Variants in CHODL observed in about 807,000 individuals in gnomAD.
CHODL encodes chondrolectin.
A neutral mutation model predicts 34.5 loss-of-function variants in CHODL; 29 were observed. That is an observed-to-expected ratio of 0.84 (90% CI 0.63 to 1.15). The LOEUF (loss-of-function observed/expected upper bound fraction) is 1.15. Among genes scored for constraint, CHODL ranks in the 50% most tolerant of loss-of-function variants. The pLI is 0.00. For synonymous variants in CHODL, 125 were observed against 116.1 expected (o/e 1.08, Z -0.49); for missense variants, 332 against 332.5 (o/e 1.00, Z 0.01).
intron 2 of CHODL, among the ~76,000 whole-genome samples, chr21:18,083,114 C>T (rs1442523809): frequency 6.6e-6 from 1 of 152,162 alleles, no homozygotes; most frequent in Non-Finnish European, 1.5e-5. Context: ...ATGGGCTGGG[C>T]CCAGGGCCTT....
chr21:18,261,364 A>C (rs865970081), intron 4 of CHODL, among the ~76,000 whole-genome samples: 17 of 151,960 alleles, frequency 1.1e-4, no homozygotes, highest in Middle Eastern at 6.8e-3. Context: ...GTATGATAAA[A>C]AAAAAAAAAA....
chr21:18,213,541 G>A (rs115010535), intron 2 of CHODL, among the ~76,000 whole-genome samples: 2,329 of 152,144 alleles, frequency 0.015, 61 homozygotes, highest in African/African-American at 0.053. Flanking sequence ...TGAAATTGGG[G>A]TGGATGAAAT....
intron 2 of CHODL, among the ~76,000 whole-genome samples, chr21:18,158,853 AAAG>A (rs1428399956): frequency 6.6e-6 from 1 of 151,414 alleles, no homozygotes; most frequent in Admixed American, 6.6e-5. Flanking sequence ...AAAAAAAAAA[AAAG>A]AAGAAGAAAA....
At chr21:18,127,701 T>TTTTTA (rs2072592150) in intron 2 of CHODL, among the ~76,000 whole-genome samples, 3 of 128,180 alleles carry the variant, frequency 2.3e-5, no homozygotes, top group Non-Finnish European at 4.9e-5. Flanking sequence ...TTTTTTTTTT[T>TTTTTA]AGCTTAAAAC....
chr21:18,242,015 C>A (rs1405871316), upstream of CHODL, among the ~76,000 whole-genome samples: 2 of 150,590 alleles, frequency 1.3e-5, no homozygotes, highest in South Asian at 2.1e-4. Context: ...TTTTAATGGA[C>A]AAAGACCCTT....
intron 1 of CHODL, among the ~76,000 whole-genome samples, chr21:17,974,946 T>G (rs2063649103): frequency 6.7e-6 from 1 of 148,240 alleles, no homozygotes; most frequent in Non-Finnish European, 1.5e-5. Context: ...ATATATAAAT[T>G]TAAAATAATA....
intron 2 of CHODL, among the ~76,000 whole-genome samples, chr21:18,220,818 G>C (rs2207381): frequency 4.6e-5 from 7 of 151,668 alleles, no homozygotes; most frequent in African/African-American, 1.5e-4. Context: ...GCTGTTTTTA[G>C]AATTATCTTT....
At chr21:18,142,874 G>T (rs1013301562) in intron 2 of CHODL, among the ~76,000 whole-genome samples, 1 of 152,168 alleles carries the variant, frequency 6.6e-6, no homozygotes, top group Non-Finnish European at 1.5e-5. Flanking sequence ...CTTTGCATTT[G>T]ATGGTTGCAG....
At chr21:18,249,261 C>T (rs936154462) in intron 1 of CHODL, among the ~76,000 whole-genome samples, 7 of 149,794 alleles carry the variant, frequency 4.7e-5, no homozygotes, top group African/African-American at 1.7e-4. Flanking sequence ...GTGTGCGACT[C>T]TAGGATGAGA....
chr21:18,166,089 G>A (rs2073149483), intron 2 of CHODL, among the ~76,000 whole-genome samples: 1 of 152,126 alleles, frequency 6.6e-6, no homozygotes, highest in Admixed American at 6.5e-5. Context: ...ACCCTTTCTG[G>A]AGATAGGAGT....
intron 2 of CHODL, among the ~76,000 whole-genome samples, chr21:18,045,237 G>A (rs2064427420): frequency 6.6e-6 from 1 of 151,952 alleles, no homozygotes; most frequent in Admixed American, 6.6e-5. Flanking sequence ...CCCTGAGTGT[G>A]GTGAGTTGAA....
At chr21:17,988,439 G>T (rs2063771547) in intron 1 of CHODL, among the ~76,000 whole-genome samples, 1 of 132,320 alleles carries the variant, frequency 7.6e-6, no homozygotes, top group Admixed American at 8.0e-5. Flanking sequence ...GGGTACATGT[G>T]CACAATGTGC....
chr21:18,040,415 A>G lies in CHODL; in HGVS notation c.-45+12444A>G, dbSNP rs76500042. Among the ~76,000 whole-genome samples, 1,317 of 151,988 alleles carry G rather than the reference A, an allele frequency of 8.7e-3. 26 individuals carry two copies. Among genetic ancestry groups the G allele is most frequent in the African/African-American group, 0.03 (1,266 of 41,542 alleles). ...CTCACCAAAGTACAGGCAAAAATCAATTTTAATTAGTATTTTTGGCTTTAA... is the reference window on the plus strand; with the variant it reads ...CTCACCAAAGTACAGGCAAAAATCAGTTTTAATTAGTATTTTTGGCTTTAA... On this transcript the variant is annotated intron_variant, in intron 2 of 6. Coordinates refer to the CHODL transcript ENST00000400127.
chr21:18,093,673 A>C (rs1028563366), intron 2 of CHODL, among the ~76,000 whole-genome samples: 6 of 152,168 alleles, frequency 3.9e-5, no homozygotes, highest in African/African-American at 1.4e-4. Flanking sequence ...GTTTAAAATA[A>C]TAGATTATAT....
At chr21:18,025,399 A>G (rs1369709038) in intron 1 of CHODL, among the ~76,000 whole-genome samples, 2 of 152,168 alleles carry the variant, frequency 1.3e-5, no homozygotes, top group African/African-American at 4.8e-5. Context: ...GATGTGGTAG[A>G]GTCTTTATGA....
At chr21:17,979,903 A>G (rs935473965) in intron 1 of CHODL, among the ~76,000 whole-genome samples, 1 of 152,172 alleles carries the variant, frequency 6.6e-6, no homozygotes, top group African/African-American at 2.4e-5. Flanking sequence ...CAAGTAGTTC[A>G]AGGTTAAACA....
intron 2 of CHODL, among the ~76,000 whole-genome samples, chr21:18,147,452 G>A (rs2072907113): frequency 1.3e-5 from 2 of 152,090 alleles, no homozygotes; most frequent in South Asian, 2.1e-4. Context: ...CCTAAAATGT[G>A]GCTAAATCTG....
chr21:18,265,891 C>G, intron 5 of CHODL, 63 bp from the exon 6 acceptor site: 1 of 1,313,432 alleles, frequency 7.6e-7, no homozygotes, highest in Non-Finnish European at 1.1e-6. Flanking sequence ...TCCCTTTGGA[C>G]GTAGACATGC....
At chr21:18,158,382 A>G (rs539886509) in intron 2 of CHODL, among the ~76,000 whole-genome samples, 2 of 152,314 alleles carry the variant, frequency 1.3e-5, no homozygotes, top group East Asian at 3.9e-4. Context: ...GTCATTATTG[A>G]TGTTGCTTTG....
Sources: gnomAD v4.1 joint callset for allele counts (sites outside exome capture counted in the v4.1 genomes callset) on GRCh38, gnomAD v4.1.1 for gene constraint, MANE v1.5 for transcripts, NCBI Gene and HGNC (gene_info 2026-07-23, HGNC 2026-07-21) for gene names.